RGS3: variants seen among roughly 807,000 people sequenced by gnomAD.
RGS3 encodes the protein regulator of G-protein signalling 3.
A neutral mutation model predicts 132.6 loss-of-function variants in RGS3; 80 were observed. That is an observed-to-expected ratio of 0.60 (90% CI 0.50 to 0.73). RGS3 has a LOEUF of 0.73. RGS3 is among the 30% of genes least tolerant of loss of function. RGS3 has a pLI of 0.00. For missense variants in RGS3, 1,382 were observed against 1,530.8 expected, an observed-to-expected ratio of 0.90 and a Z score of 1.62; for synonymous variants, 598 against 620.6, an observed-to-expected ratio of 0.96 and a Z score of 0.54.
chr9:113,584,424 G>T lies in RGS3; in HGVS notation c.3012G>T (p.Arg1004Ser), dbSNP rs147458690. 4.6e-5 allele frequency: 69 copies of T among 1,508,942 alleles called. No individual in the cohort carries two copies. In the African/African-American group the frequency reaches 9.6e-4, roughly 21 times the overall value. The allele number at this position is 1,508,942 out of a possible 1,614,324, so 93.5% of individuals were successfully genotyped here. Residue 1004 changes from arginine to serine, a missense_variant, in exon 20 of 25, where the codon AGG (arginine) becomes AGT (serine). Arg to Ser is a moderately radical substitution (Grantham distance 110). Coordinates refer to ENST00000350696, the Ensembl canonical transcript of RGS3. ...TTTCCCTCTTCTTCACAGGACACAG[G>T]AAGGTGAGAAAGCTAAAGGGGGAGG...
chr9:113,491,135 AAT>A (rs1257632561), intron 7 of RGS3, among the ~76,000 whole-genome samples: 2 of 144,196 alleles, frequency 1.4e-5, no homozygotes, highest in African/African-American at 2.5e-5. Flanking sequence ...TATATATACT[AAT>A]ATATAATTAT....
At chr9:113,473,122 A>G (rs532371901) in intron 3 of RGS3, among the ~76,000 whole-genome samples, 3 of 152,200 alleles carry the variant, frequency 2.0e-5, no homozygotes, top group African/African-American at 2.4e-5. Flanking sequence ...AACTAATAAT[A>G]CCTTTAATAT....
intron 21 of RGS3, chr9:113,593,981 A>G: frequency 1.9e-6 from 3 of 1,612,980 alleles, no homozygotes; most frequent in Non-Finnish European, 2.5e-6. Flanking sequence ...GCGGCCCCAG[A>G]GGCTGTCCCT....
intron 1 of RGS3, among the ~76,000 whole-genome samples, chr9:113,448,961 T>C (rs1275555957): frequency 1.3e-5 from 2 of 151,848 alleles, no homozygotes; most frequent in African/African-American, 4.8e-5. Flanking sequence ...TGGGAAAAGT[T>C]TGGGGAGCAG....
At chr9:113,473,794 A>G (rs562068984) in intron 3 of RGS3, among the ~76,000 whole-genome samples, 9 of 152,368 alleles carry the variant, frequency 5.9e-5, no homozygotes, top group Non-Finnish European at 1.2e-4. Flanking sequence ...TAAAAAGCTT[A>G]TAGTAAAGTG....
At chr9:113,490,435 A>G (rs1830469713) in intron 7 of RGS3, among the ~76,000 whole-genome samples, 1 of 151,962 alleles carries the variant, frequency 6.6e-6, no homozygotes, top group African/African-American at 2.4e-5. Context: ...TATCACACTT[A>G]AAAATTAATA....
intron 19 of RGS3, among the ~76,000 whole-genome samples, chr9:113,572,113 T>A (rs1189267823): frequency 6.6e-6 from 1 of 151,534 alleles, no homozygotes. Flanking sequence ...GGCCTGAGGG[T>A]AGAGTGTAGC....
At chr9:113,521,322 A>T (rs1294070978) in intron 16 of RGS3, among the ~76,000 whole-genome samples, 1 of 152,250 alleles carries the variant, frequency 6.6e-6, no homozygotes, top group African/African-American at 2.4e-5. Context: ...AAGCCAAGCC[A>T]TATTTTGATA....
intron 1 of RGS3, among the ~76,000 whole-genome samples, chr9:113,452,218 C>G (rs557521544): frequency 9.2e-5 from 14 of 152,160 alleles, no homozygotes; most frequent in African/African-American, 3.4e-4. Context: ...TATACACAGG[C>G]TGGCCTCAAG....
chr9:113,494,510 T>A (rs1032446276), intron 7 of RGS3, among the ~76,000 whole-genome samples: 1 of 152,262 alleles, frequency 6.6e-6, no homozygotes, highest in Non-Finnish European at 1.5e-5. Context: ...CTGTTAGTGC[T>A]GACTTGGCCA....
At chr9:113,567,588 A>T (rs543385094) in intron 19 of RGS3, among the ~76,000 whole-genome samples, 30 of 152,316 alleles carry the variant, frequency 2.0e-4, no homozygotes, top group African/African-American at 6.5e-4. Context: ...AGTTGCATCC[A>T]TAGGGCCAAG....
At chr9:113,482,513 AC>A (rs1830199187) in intron 4 of RGS3, among the ~76,000 whole-genome samples, 1 of 152,182 alleles carries the variant, frequency 6.6e-6, no homozygotes, top group South Asian at 2.1e-4. Flanking sequence ...TCCGCCAGCC[AC>A]AGCACGGCTC....
At chr9:113,509,372 T>A (rs1831299852) in intron 14 of RGS3, among the ~76,000 whole-genome samples, 1 of 152,034 alleles carries the variant, frequency 6.6e-6, no homozygotes, top group Non-Finnish European at 1.5e-5. Context: ...AGAGGGTTGT[T>A]GGGGGGATCC....
chr9:113,588,609 T>A (rs1049703870), intron 20 of RGS3, among the ~76,000 whole-genome samples: 5 of 152,224 alleles, frequency 3.3e-5, no homozygotes, highest in African/African-American at 1.2e-4. Flanking sequence ...AGTAACTAGC[T>A]CTTAGAATCG....
At chr9:113,584,627 CTT>C (rs1320137171) in intron 20 of RGS3, among the ~76,000 whole-genome samples, 200 bp downstream of exon 18, 1 of 152,214 alleles carries the variant, frequency 6.6e-6, no homozygotes, top group Admixed American at 6.5e-5. Context: ...AAACACATGA[CTT>C]TAGGATTCCA....
At chr9:113,559,169 C>T (rs1833690349) in intron 19 of RGS3, among the ~76,000 whole-genome samples, 1 of 152,248 alleles carries the variant, frequency 6.6e-6, no homozygotes, top group Non-Finnish European at 1.5e-5. Context: ...CAGGCCTGGC[C>T]TCCCCGTAGC....
exon 20 of RGS3, chr9:113,583,537 G>A: frequency 6.2e-7 from 1 of 1,614,044 alleles, no homozygotes; most frequent in African/African-American, 1.3e-5. Context: ...ACCCAGCAAG[G>A]AGCCCTCTCC....
At chr9:113,478,548 C>T (rs895621127) in intron 3 of RGS3, among the ~76,000 whole-genome samples, 2 of 152,112 alleles carry the variant, frequency 1.3e-5, no homozygotes, top group Non-Finnish European at 2.9e-5. Flanking sequence ...GTGGCTCATA[C>T]CTGTAATCCC....
rs924226809 is a variant in RGS3 at position 113,565,290 on chromosome 9, AC to A, written c.2038-18159del. ...TCGGATGAAAGTGCTTTGAGAAACC[AC>A]AGAGTTTTCTGTTTAATGGAAGAAA... On this transcript the variant is annotated intron_variant, in intron 19 of 24. Coordinates refer to ENST00000350696, the Ensembl canonical transcript of RGS3. This position sits in a 1 kb window ranked among gnomAD's most constrained non-coding sequence, Gnocchi z 5.7. 6.2e-6 allele frequency: 8 copies of A among 1,289,450 alleles called. No individual in the cohort carries two copies. In the African/African-American group the frequency reaches 1.2e-4, roughly 20 times the overall value. 79.9% of individuals were successfully genotyped at this position (1,289,450 alleles called of 1,614,324 possible).
Sources: gnomAD v4.1 joint callset for allele counts (sites outside exome capture counted in the v4.1 genomes callset) on GRCh38, gnomAD v4.1.1 for gene constraint, Gnocchi (gnomAD v3.1) non-coding constraint, MANE v1.5 for transcripts, NCBI Gene and HGNC (gene_info 2026-07-23, HGNC 2026-07-21) for gene names.